The following RNF11 variants were observed in gnomAD, a reference collection of about 807,000 sequenced individuals.
RNF11 encodes the protein ring finger protein 11.
Under a neutral mutation model 15.8 loss-of-function variants are expected in RNF11, and 4 were observed. The ratio of observed to expected loss-of-function variants is 0.25; its 90% CI spans 0.12 to 0.58. RNF11 has a LOEUF of 0.58. Among genes scored for constraint, RNF11 ranks in the 20% least tolerant of loss-of-function variants. RNF11 has a pLI of 0.91. For synonymous variants in RNF11, 68 were observed against 72.3 expected, an observed-to-expected ratio of 0.94 and a Z score of 0.30; for missense variants, 139 against 194.4, an observed-to-expected ratio of 0.71 and a Z score of 1.70.
At chr1:51,255,351 C>G (rs1000238762) in intron 1 of RNF11, among the ~76,000 whole-genome samples, 2 of 152,198 alleles carry the variant, frequency 1.3e-5, no homozygotes, top group African/African-American at 4.8e-5. Context: ...GCCTCAAACT[C>G]TGGGCTCAAG....
intron 1 of RNF11, among the ~76,000 whole-genome samples, chr1:51,243,348 TCTC>T (rs1275741166): frequency 1.3e-5 from 2 of 152,186 alleles, no homozygotes; most frequent in Non-Finnish European, 2.9e-5. Context: ...ATAATTGATG[TCTC>T]CTCCTCATTC....
chr1:51,259,520 C>T (rs538720678), intron 1 of RNF11, among the ~76,000 whole-genome samples: 3 of 152,322 alleles, frequency 2.0e-5, no homozygotes, highest in Admixed American at 2.0e-4. Context: ...GCTTCTCATC[C>T]ATCCTGATTT....
In RNF11 at chr1:51,236,607, C is replaced by A; in HGVS notation, c.-150C>A. ...CCGGGGGCTGGCATGAGCGGCCCCT[C>A]GGCGGCACCGTGGGGCGGTGGAGTC... On this transcript the variant is annotated 5_prime_UTR_variant, in exon 1 of 3. The change creates a premature stop within an existing upstream ORF in the 5' untranslated region. Transcript: ENST00000242719. The A allele has an allele frequency of 9.7e-7, 1 of 1,027,120 alleles. No homozygotes were observed. The highest frequency in any genetic ancestry group is 1.4e-6 in the Non-Finnish European group (1 of 713,230). 63.6% of individuals were successfully genotyped at this position (1,027,120 alleles called of 1,614,324 possible).
chr1:51,236,958 C>A, intron 1 of RNF11, 79 bp downstream of exon 1: 2 of 1,506,802 alleles, frequency 1.3e-6, no homozygotes, highest in Non-Finnish European at 1.8e-6. Context: ...GCCGTCTCTG[C>A]CCCTGGCTTC....
intron 1 of RNF11, among the ~76,000 whole-genome samples, chr1:51,264,287 A>ATATATATATATAT (rs1248532023): frequency 3.1e-5 from 1 of 32,532 alleles, no homozygotes; most frequent in Non-Finnish European, 5.7e-5. Flanking sequence ...AAAAAAAAAA[A>ATATATATATATAT]ATATATATAT....
chr1:51,259,495 ATGT>A (rs891815504), intron 1 of RNF11, among the ~76,000 whole-genome samples: 8 of 152,238 alleles, frequency 5.3e-5, no homozygotes, highest in African/African-American at 1.9e-4. Context: ...TTTTTAAAAA[ATGT>A]TGTATAATGC....
At chr1:51,251,034 G>T (rs958008518) in intron 1 of RNF11, 8 of 1,506,120 alleles carry the variant, frequency 5.3e-6, no homozygotes, top group African/African-American at 1.4e-5. Flanking sequence ...ATGGATGGCG[G>T]TGGCCACCTC....
At chr1:51,265,887 T>C (rs906248830) in intron 1 of RNF11, 5 of 151,492 alleles carry the variant, frequency 3.3e-5, no homozygotes, top group African/African-American at 9.7e-5. Flanking sequence ...AGTCTAGCTC[T>C]GTGGGCCAGG....
intron 1 of RNF11, among the ~76,000 whole-genome samples, chr1:51,268,560 T>G (rs1036360629): frequency 6.6e-6 from 1 of 152,232 alleles, no homozygotes; most frequent in Non-Finnish European, 1.5e-5. Flanking sequence ...ATCTAGCCTC[T>G]GAAAAACCCA....
chr1:51,240,061 C>T (rs1646821781), intron 1 of RNF11, among the ~76,000 whole-genome samples: 1 of 152,218 alleles, frequency 6.6e-6, no homozygotes, highest in African/African-American at 2.4e-5. Context: ...GGCCTGTCCT[C>T]AATACAACAG....
chr1:51,236,889 G>T lies in RNF11; in HGVS notation c.123+10G>T. 1 of 1,607,620 alleles carries T rather than the reference G, an allele frequency of 6.2e-7. No homozygotes were observed. The highest frequency in any genetic ancestry group is 8.5e-7 in the Non-Finnish European group (1 of 1,177,070). On this transcript the variant is annotated intron_variant, in intron 1 of 2. Coordinates refer to ENST00000242719, the MANE Select transcript of RNF11 (RefSeq NM_014372.5). ...GCCGCCGCCATATCAGGTAGGGGAG[G>T]GTGTGTGTTGGGGGGAGCGAGTAGA...
intron 1 of RNF11, chr1:51,250,661 G>A: frequency 2.5e-6 from 2 of 802,870 alleles, no homozygotes; most frequent in Non-Finnish European, 4.2e-6. Context: ...GGGCCTTGAT[G>A]AGGTGGTCAG....
intron 1 of RNF11, among the ~76,000 whole-genome samples, chr1:51,255,913 G>A (rs1344300663): frequency 6.6e-6 from 1 of 152,098 alleles, no homozygotes; most frequent in Non-Finnish European, 1.5e-5. Flanking sequence ...TGTTGTTGTT[G>A]TTCTCCCTTT....
At chr1:51,258,333 G>A (rs796637955) in intron 1 of RNF11, among the ~76,000 whole-genome samples, 4 of 152,296 alleles carry the variant, frequency 2.6e-5, no homozygotes, top group African/African-American at 9.6e-5. Flanking sequence ...TGCAGAAATA[G>A]GTTGGGCAGT....
rs567310713 is a variant in RNF11 at position 51,266,103 on chromosome 1, C to T, written c.124-3853C>T. On this transcript the variant is annotated intron_variant, in intron 1 of 2. Coordinates refer to ENST00000242719, the MANE Select transcript of RNF11 (RefSeq NM_014372.5). ...GAGATATTAAGAAGCTTGCGTAAGG[C>T]CACATACATAATTAAATACCAGAGC... 3.3e-5 allele frequency: 5 copies of T among 152,260 alleles called. No homozygotes were observed. In the South Asian group the frequency reaches 1.0e-3, roughly 32 times the overall value. 9.4% of individuals were successfully genotyped at this position (152,260 alleles called of 1,614,324 possible).
chr1:51,273,147 ATTC>A lies in RNF11; in HGVS notation c.*1828_*1830del, dbSNP rs1265148185. 6.6e-6 allele frequency: 1 copy of A among 152,128 alleles called. No homozygotes were observed. Among genetic ancestry groups the A allele is most frequent in the African/African-American group, 2.4e-5 (1 of 41,454 alleles). 9.4% of individuals were successfully genotyped at this position (152,128 alleles called of 1,614,324 possible). A position where few individuals can be genotyped will look rare whatever the true frequency, so the allele number is the denominator to read the frequency against. On this transcript the variant is annotated 3_prime_UTR_variant, in exon 3 of 3. Transcript: ENST00000242719. ...ATATTTTCTGATAATTGCTTTTTTT[ATTC>A]TTGTGTTTTCTACTTAAACATAATG... is the stretch of plus-strand genomic sequence containing the variant.
intron 1 of RNF11, among the ~76,000 whole-genome samples, chr1:51,237,480 C>T (rs1207279466): frequency 1.4e-5 from 2 of 147,486 alleles, no homozygotes; most frequent in African/African-American, 2.5e-5. Flanking sequence ...AAATTTTAAT[C>T]CCTCCTCTTT....
chr1:51,251,847 G>C (rs1038794152), intron 1 of RNF11, among the ~76,000 whole-genome samples: 2 of 152,148 alleles, frequency 1.3e-5, no homozygotes, highest in African/African-American at 4.8e-5. Flanking sequence ...GGGAGGCCAA[G>C]GTGGGTGGAT....
chr1:51,264,290 AT>A (rs1646944783), intron 1 of RNF11, among the ~76,000 whole-genome samples: 86 of 67,204 alleles, frequency 1.3e-3, no homozygotes, highest in Non-Finnish European at 1.6e-3. Flanking sequence ...AAAAAAAAAT[AT>A]ATATATATAT....
Sources: gnomAD v4.1 joint callset for allele counts (sites outside exome capture counted in the v4.1 genomes callset) on GRCh38, gnomAD v4.1.1 for gene constraint, MANE v1.5 for transcripts, NCBI Gene and HGNC (gene_info 2026-07-23, HGNC 2026-07-21) for gene names.